Variants in PCNX4 observed in about 807,000 individuals in gnomAD.
PCNX4 encodes pecanex 4, also known as pecanex-like protein 4.
In PCNX4, 103 loss-of-function variants were observed where a neutral mutation model predicts 107.2. That is an observed-to-expected ratio of 0.96 (90% confidence interval 0.82 to 1.13). The LOEUF is 1.13. PCNX4 is among the 50% of genes most tolerant of loss of function. PCNX4 has a pLI of 0.00. For synonymous variants in PCNX4, 541 were observed against 481.7 expected (o/e 1.12, Z -1.61); for missense variants, 1,528 against 1,379.4 (o/e 1.11, Z -1.71).
At chr14:60,119,634 GTTAA>G (rs1457989407) in intron 7 of PCNX4, among the ~76,000 whole-genome samples, 1 of 152,098 alleles carries the variant, frequency 6.6e-6, no homozygotes, top group African/African-American at 2.4e-5. Context: ...TTTATCCAGT[GTTAA>G]TTAATTTTCA....
rs752736313 is a variant in PCNX4, at chr14:60,124,259, T to A, written c.2088T>A (p.Ala696=). ...AAACATCCTGTCATACTGCAGAAGC[T>A]CGCAGAGTTGATGAAGTTTTTGAAG... ...LQETSCHTAE[A]RRVDEVFEDA... The change falls in exon 9 of 11, where the codon GCT becomes GCA. Residue 696 remains alanine (A), a synonymous_variant. Coordinates refer to ENST00000406854, the MANE Select transcript of PCNX4 (RefSeq NM_001330177.2). 1 of 1,602,576 alleles carries A rather than the reference T, an allele frequency of 6.2e-7. No homozygotes were observed. Among genetic ancestry groups the A allele is most frequent in the East Asian group, 2.2e-5 (1 of 44,634 alleles).
At chr14:60,129,216 G>T (rs1400459123) in intron 10 of PCNX4, among the ~76,000 whole-genome samples, 1 of 147,362 alleles carries the variant, frequency 6.8e-6, no homozygotes, top group East Asian at 2.0e-4. Flanking sequence ...CTCCAGCCTG[G>T]GCAACAAGAG....
In PCNX4 at chr14:60,118,482, G is replaced by C; in HGVS notation, c.1732G>C (p.Val578Leu). ...CATTGTCTTTTCTCCATTCGTGTTGGTCATCATAGTTTTTTCTACACTACT... is the reference window on the plus strand; with the variant it reads ...CATTGTCTTTTCTCCATTCGTGTTGCTCATCATAGTTTTTTCTACACTACT... Reference protein sequence around the residue: ...LNIVFSPFVLVIIVFSTLLSS... With the variant: ...LNIVFSPFVLLIIVFSTLLSS... The change falls in exon 7 of 11, where the codon GTC becomes CTC. Residue 578 changes from valine (V) to leucine (L), a missense_variant. Transcript: ENST00000406854. The C allele has an allele frequency of 6.2e-7, 1 of 1,613,474 alleles. No individual in the cohort carries two copies. Among genetic ancestry groups the C allele is most frequent in the Non-Finnish European group, 8.5e-7 (1 of 1,179,758 alleles).
At position 60,108,250 on chromosome 14, in the gene PCNX4, A is replaced by G. The variant is rs961525370; in HGVS notation, c.612A>G (p.Thr204=). The G allele has an allele frequency of 1.9e-6, 3 of 1,612,760 alleles. No homozygotes were observed. The African/African-American group carries it at 4.0e-5, about 21-fold the overall frequency. The part of the protein sequence containing the change: ...NTATETATFQ[T]QDTYEIIPLM... The stretch of plus-strand genomic sequence containing the variant: ...CTACAGAGACTGCGACTTTCCAAAC[A>G]CAGGATACTTATGAAATTATTCCTC... The change falls in exon 2 of 11, where the codon ACA becomes ACG. Residue 204 remains threonine, a synonymous_variant. Coordinates refer to ENST00000406854, the MANE Select transcript of PCNX4 (RefSeq NM_001330177.2).
rs193106778 is a variant in PCNX4 at position 60,119,460 on chromosome 14, G to A, written c.1942+768G>A. ...TTCTGACAAACTCATTCTAGGCAGA[G>A]TAACAATTTAAGATTAGAATTTTAA... On this transcript the variant is annotated intron_variant, in intron 7 of 10. Coordinates refer to ENST00000406854, the MANE Select transcript of PCNX4 (RefSeq NM_001330177.2). 4.5e-4 allele frequency among the ~76,000 whole-genome samples: 68 copies of A among 152,258 alleles called. 1 individual carries two copies. The highest frequency in any genetic ancestry group is 1.5e-3 in the African/African-American group (61 of 41,544).
chr14:60,119,687 G>C (rs1460595191), intron 7 of PCNX4, among the ~76,000 whole-genome samples: 1 of 152,050 alleles, frequency 6.6e-6, no homozygotes, highest in Non-Finnish European at 1.5e-5. Context: ...CACCTGTGGG[G>C]TTAAACTCCC....
rs1408803782 is a variant in PCNX4 at position 60,137,730 on chromosome 14, C to T, written c.*3509C>T. The T allele has an allele frequency of 6.6e-6, 1 of 152,050 alleles. No homozygotes were observed. The highest frequency in any genetic ancestry group is 1.5e-5 in the Non-Finnish European group (1 of 68,018). The allele number at this position is 152,050 out of a possible 1,614,324, so 9.4% of individuals were successfully genotyped here. ...AAGATTGAGAATTTCAGCAGAAAAT[C>T]AGAAACTATATAGAAGAATCAATCA... On this transcript the variant is annotated 3_prime_UTR_variant, in exon 11 of 11. Coordinates refer to ENST00000406854, the MANE Select transcript of PCNX4 (RefSeq NM_001330177.2).
In PCNX4 at chr14:60,108,159, C is replaced by T. The variant is rs753091928; in HGVS notation, c.521C>T (p.Ala174Val). 6.2e-7 allele frequency: 1 copy of T among 1,612,870 alleles called. No individual in the cohort carries two copies. Among genetic ancestry groups the T allele is most frequent in the Non-Finnish European group, 8.5e-7 (1 of 1,179,888 alleles). ...CTGTATGGCAGTACAGGAGGCACTG[C>T]TCTACTATTCTTCTTTGGATGGATG... Reference protein sequence around the residue: ...TLLYGSTGGTALLFFFGWMTL... With the variant: ...TLLYGSTGGTVLLFFFGWMTL... The change falls in exon 2 of 11, where the codon GCT becomes GTT. Residue 174 changes from alanine (A) to valine (V), a missense_variant. By Grantham distance (64) the Ala-to-Val change is moderately conservative. Coordinates refer to ENST00000406854, the MANE Select transcript of PCNX4 (RefSeq NM_001330177.2).
intron 8 of PCNX4, among the ~76,000 whole-genome samples, chr14:60,122,998 A>G (rs1290834145): frequency 6.6e-6 from 1 of 152,134 alleles, no homozygotes; most frequent in Non-Finnish European, 1.5e-5. Flanking sequence ...ACTAAGTTAG[A>G]AACTCTAGGG....
intron 1 of PCNX4, among the ~76,000 whole-genome samples, chr14:60,097,175 A>G (rs1304328579): frequency 2.0e-5 from 3 of 152,192 alleles, no homozygotes; most frequent in Non-Finnish European, 4.4e-5. Context: ...CACAGAAGGA[A>G]ATCTCTTCAC....
chr14:60,124,908 C>T lies in PCNX4; in HGVS notation c.2737C>T (p.Pro913Ser), dbSNP rs1389648773. ...SCSHSHLVCL[P>S]AEWRTSCMPS... Reference sequence around the variant, plus strand: ...TTCACATTCTCACTTAGTATGCTTACCCGCAGAGTGGAGGACTAGCTGTAT... The same window carrying T: ...TTCACATTCTCACTTAGTATGCTTATCCGCAGAGTGGAGGACTAGCTGTAT... The change falls in exon 9 of 11, where the codon CCC (proline) becomes TCC (serine). Residue 913 changes from proline (P) to serine (S), a missense_variant. By Grantham distance (74) the Pro-to-Ser change is moderately conservative. Coordinates refer to ENST00000406854, the MANE Select transcript of PCNX4 (RefSeq NM_001330177.2). 1.2e-6 allele frequency: 2 copies of T among 1,613,776 alleles called. No individual in the cohort carries two copies. The highest frequency in any genetic ancestry group is 2.2e-5 in the South Asian group (2 of 91,080).
In PCNX4 at chr14:60,124,352, C is replaced by G; in HGVS notation, c.2181C>G (p.Pro727=). The G allele has an allele frequency of 6.2e-7, 1 of 1,613,166 alleles. No homozygotes were observed. The highest frequency in any genetic ancestry group is 1.1e-5 in the South Asian group (1 of 91,024). ...AACACTTTGGAAATGTCTTGACACC[C>G]TGTACTGTTTTGCCTGTGAAATTGT... ...LNEHFGNVLT[P]CTVLPVKLYS... The change falls in exon 9 of 11, where the codon CCC becomes CCG. Residue 727 remains proline (P), a synonymous_variant. Transcript: ENST00000406854.
At chr14:60,130,446 C>T (rs1896134133) in intron 10 of PCNX4, among the ~76,000 whole-genome samples, 1 of 152,040 alleles carries the variant, frequency 6.6e-6, no homozygotes, top group African/African-American at 2.4e-5. Context: ...TCAACCTGAA[C>T]ATCTATGAAA....
Position 60,134,072 on chromosome 14 carries a change from GA to G in PCNX4, c.3372del (p.Glu1124AspfsTer22). ...AGGTCAGTGGGCCAATCTTTCATGG[GA>G]ATTACTTTATGCCACAAACGATGAT... ...VRGQWANLSW[E>X]LLYATNDDEE... On this transcript the variant is annotated frameshift_variant, in exon 11 of 11. Transcript: ENST00000406854. LOFTEE classifies it high-confidence loss of function. The G allele has an allele frequency of 1.2e-6, 2 of 1,613,776 alleles. No homozygotes were observed. Among genetic ancestry groups the G allele is most frequent in the South Asian group, 2.2e-5 (2 of 91,072 alleles).
Position 60,138,129 on chromosome 14 carries a change from T to G in PCNX4, c.*3908T>G, listed in dbSNP as rs1305145276. On this transcript the variant is annotated 3_prime_UTR_variant, in exon 11 of 11. Coordinates refer to ENST00000406854, the MANE Select transcript of PCNX4 (RefSeq NM_001330177.2). ...AAAAAAAAGGATTCAGTGAATAGAT[T>G]TGATAGAAAGTGCATACAGTGAAGT... The G allele has an allele frequency of 1.3e-5, 2 of 150,706 alleles. No homozygotes were observed. Among genetic ancestry groups the G allele is most frequent in the African/African-American group, 2.4e-5 (1 of 41,126 alleles). The allele number at this position is 150,706 out of a possible 1,614,324, so 9.3% of individuals were successfully genotyped here.
chr14:60,092,033 C>G lies in PCNX4; in HGVS notation c.-440C>G, dbSNP rs1895303345. The G allele has an allele frequency of 6.6e-6, 1 of 152,414 alleles. No individual in the cohort carries two copies. Among genetic ancestry groups the G allele is most frequent in the South Asian group, 2.1e-4 (1 of 4,836 alleles). The allele number at this position is 152,414 out of a possible 1,614,324, so 9.4% of individuals were successfully genotyped here. On this transcript the variant is annotated 5_prime_UTR_variant, in exon 1 of 11. Transcript: ENST00000406854. ...CACGAGCGACTCCCGTCGTCCCCGG[C>G]CAGGCAGATGTTGGCCTAGTCCTGG...
At chr14:60,129,757 A>G (rs937439643) in intron 10 of PCNX4, among the ~76,000 whole-genome samples, 2 of 152,220 alleles carry the variant, frequency 1.3e-5, no homozygotes, top group Non-Finnish European at 2.9e-5. Flanking sequence ...TTTCTGCTTC[A>G]CCACAATTAG....
At chr14:60,099,585 C>T (rs1455770514) in intron 1 of PCNX4, among the ~76,000 whole-genome samples, 1 of 152,168 alleles carries the variant, frequency 6.6e-6, no homozygotes, top group Non-Finnish European at 1.5e-5. Context: ...GCAGTATTAT[C>T]ACTGAGCACA....
chr14:60,127,749 A>G (rs898729334), intron 10 of PCNX4, among the ~76,000 whole-genome samples: 3 of 152,242 alleles, frequency 2.0e-5, no homozygotes, highest in South Asian at 2.1e-4. Flanking sequence ...TCTAACCCAT[A>G]TATCGGGGGA....
Sources: gnomAD v4.1 joint callset for allele counts (sites outside exome capture counted in the v4.1 genomes callset) on GRCh38, gnomAD v4.1.1 for gene constraint, MANE v1.5 for transcripts, NCBI Gene and HGNC (gene_info 2026-07-23, HGNC 2026-07-21) for gene names.